SHANK2: variants seen among roughly 807,000 people sequenced by gnomAD.
The protein encoded by SHANK2 is SH3 and multiple ankyrin repeat domains 2.
A neutral mutation model predicts 133.7 loss-of-function variants in SHANK2; 43 were observed. The observed-to-expected ratio is 0.32, with a 90% CI of 0.25 to 0.41. The LOEUF is 0.41. Ranked by LOEUF, SHANK2 falls within the 10% of genes least tolerant of loss-of-function variation. SHANK2 has a pLI of 1.00. For synonymous variants in SHANK2, 1,017 were observed against 952.8 expected (o/e 1.07, Z -1.24); for missense variants, 1,994 against 2,235.8 (o/e 0.89, Z 2.18).
chr11:70,499,155 G>A (rs1186682689), intron 21 of SHANK2, among the ~76,000 whole-genome samples: 7 of 152,384 alleles, frequency 4.6e-5, no homozygotes, highest in African/African-American at 1.2e-4. Flanking sequence ...TCGCATGTGC[G>A]CCATGGGATG....
intron 17 of SHANK2, among the ~76,000 whole-genome samples, chr11:70,593,107 C>G (rs189975358): frequency 2.0e-5 from 3 of 152,334 alleles, no homozygotes; most frequent in African/African-American, 7.2e-5. Flanking sequence ...TGCTGCCTGT[C>G]AAAGTCCTCC....
chr11:70,567,904 A>G lies in SHANK2; in HGVS notation c.2062-64973T>C, dbSNP rs2059987813. ...CAGGGCTGGGAGGGAAGCTGCAGAC[A>G]CCCTATGTATTTGTCCAACCCAAAC... On this transcript the variant is annotated intron_variant, in intron 17 of 25. Transcript: ENST00000601538. Among the ~76,000 whole-genome samples, 3 of 152,156 alleles carry G rather than the reference A, an allele frequency of 2.0e-5. No homozygotes were observed. The South Asian group carries it at 6.2e-4, about 32-fold the overall frequency.
rs2135404614 is a variant in SHANK2, at chr11:71,147,207, A to G, written c.120T>C (p.Thr40=). 1.3e-6 allele frequency: 2 copies of G among 1,550,768 alleles called. No homozygotes were observed. The highest frequency in any genetic ancestry group is 1.7e-4 in the Middle Eastern group (1 of 5,978). ...EETIYDTIRA[T]AEKPGGARTE... ...TCCTGGCACCGCCCGGCTTCTCCGC[A>G]GTGGCCCGGATCGTGTCATAGATGG... Residue 40 remains threonine (T), a synonymous_variant, in exon 3 of 26, where the codon ACT becomes ACC. Coordinates refer to ENST00000601538, the MANE Select transcript of SHANK2 (RefSeq NM_012309.5).
At position 70,809,992 on chromosome 11, in the gene SHANK2, C is replaced by T. The variant is rs369699478; in HGVS notation, c.1494-2821G>A. ...GGCACAATATGGAGCCCACCGGGCACGGTGTGGCACAGCAGTGCATCGATG... is the reference window on the plus strand; with the variant it reads ...GGCACAATATGGAGCCCACCGGGCATGGTGTGGCACAGCAGTGCATCGATG... On this transcript the variant is annotated intron_variant, in intron 12 of 25. Transcript: ENST00000601538. Among the ~76,000 whole-genome samples the T allele has an allele frequency of 4.5e-4, 69 of 152,332 alleles. 1 individual carries two copies. The highest frequency in any genetic ancestry group is 1.5e-3 in the African/African-American group (64 of 41,568).
At chr11:70,552,145 C>G (rs1477960450) in intron 17 of SHANK2, among the ~76,000 whole-genome samples, 7 of 152,202 alleles carry the variant, frequency 4.6e-5, no homozygotes, top group Non-Finnish European at 8.8e-5. Context: ...GAGGCTTTGA[C>G]CTCGGCTTTG....
chr11:70,906,676 CTTCATTTATTTCA>C (rs1950108788), intron 10 of SHANK2, among the ~76,000 whole-genome samples: 1 of 152,174 alleles, frequency 6.6e-6, no homozygotes, highest in Non-Finnish European at 1.5e-5. Flanking sequence ...GATAATGGTG[CTTCATTTATTTCA>C]GACTCCTGTG....
At chr11:71,161,329 A>G (rs1313130051) in intron 2 of SHANK2, among the ~76,000 whole-genome samples, 2 of 152,210 alleles carry the variant, frequency 1.3e-5, no homozygotes, top group African/African-American at 4.8e-5. Context: ...TTTCTTTGAC[A>G]TATTTTGAAA....
intron 17 of SHANK2, among the ~76,000 whole-genome samples, chr11:70,531,358 G>A (rs1183140966): frequency 6.6e-6 from 1 of 152,208 alleles, no homozygotes; most frequent in Non-Finnish European, 1.5e-5. Flanking sequence ...ACTCTTTGGG[G>A]TCTTGGAGGA....
intron 17 of SHANK2, among the ~76,000 whole-genome samples, chr11:70,530,162 C>A (rs2059449372): frequency 6.6e-6 from 1 of 152,186 alleles, no homozygotes; most frequent in African/African-American, 2.4e-5. Flanking sequence ...CCCAAATGTC[C>A]CCTGATGGAT....
chr11:70,803,060 T>C (rs1555050899), intron 13 of SHANK2, among the ~76,000 whole-genome samples: 1 of 152,062 alleles, frequency 6.6e-6, no homozygotes, highest in Non-Finnish European at 1.5e-5. Flanking sequence ...GGAAGGGACA[T>C]GGCAGCCGAA....
chr11:70,514,284 T>C (rs781884629), intron 17 of SHANK2, among the ~76,000 whole-genome samples: 19 of 152,122 alleles, frequency 1.2e-4, no homozygotes, highest in Admixed American at 3.9e-4. Context: ...CCATTTCTGG[T>C]GAAAATTCTT....
At chr11:70,826,244 G>C (rs1555057187) in intron 11 of SHANK2, among the ~76,000 whole-genome samples, 1 of 152,186 alleles carries the variant, frequency 6.6e-6, no homozygotes, top group Non-Finnish European at 1.5e-5. Flanking sequence ...AGGGCTGAAG[G>C]TTTGAAAGCA....
At chr11:71,189,259 T>C (rs111570802) in intron 2 of SHANK2, among the ~76,000 whole-genome samples, 4,651 of 152,342 alleles carry the variant, frequency 0.031, 107 homozygotes, top group African/African-American at 0.062. Flanking sequence ...TTCCATTTCC[T>C]GGCTCAGCGG....
At chr11:70,665,193 T>A (rs954660599) in intron 15 of SHANK2, among the ~76,000 whole-genome samples, 4 of 152,106 alleles carry the variant, frequency 2.6e-5, no homozygotes, top group Admixed American at 6.5e-5. Flanking sequence ...CAGGCTGGAG[T>A]GCAGTGGTGC....
rs1246054159 is a variant in SHANK2, at chr11:70,569,388, C to T, written c.2062-66457G>A. Among the ~76,000 whole-genome samples, 1 of 152,140 alleles carries T rather than the reference C, an allele frequency of 6.6e-6. No homozygotes were observed. Among genetic ancestry groups the T allele is most frequent in the Non-Finnish European group, 1.5e-5 (1 of 68,028 alleles). ...CCAGGTGCGGTGGAGCGGGGAGCTC[C>T]GGGGCTGGCAGAGTGAGCAGGGCCT... On this transcript the variant is annotated intron_variant, in intron 17 of 25. Transcript: ENST00000601538. The surrounding 1 kb of genome is among the most constrained non-coding windows in gnomAD (Gnocchi z 5.1).
At chr11:70,855,932 T>C (rs1949162306) in intron 11 of SHANK2, among the ~76,000 whole-genome samples, 1 of 151,934 alleles carries the variant, frequency 6.6e-6, no homozygotes, top group Non-Finnish European at 1.5e-5. Context: ...AATGCATGGA[T>C]AGAGAGATGG....
intron 2 of SHANK2, among the ~76,000 whole-genome samples, chr11:71,177,250 A>G (rs1463520816): frequency 6.6e-6 from 1 of 152,238 alleles, no homozygotes; most frequent in Non-Finnish European, 1.5e-5. Context: ...AGATGATCAG[A>G]AATGGTAACC....
intron 17 of SHANK2, among the ~76,000 whole-genome samples, chr11:70,635,911 C>A (rs1338436601): frequency 1.3e-5 from 2 of 152,240 alleles, no homozygotes; most frequent in Non-Finnish European, 2.9e-5. Flanking sequence ...CTTGACACAG[C>A]CTGAAAGGCC....
At chr11:70,550,292 A>G (rs758834026) in intron 17 of SHANK2, among the ~76,000 whole-genome samples, 8 of 152,144 alleles carry the variant, frequency 5.3e-5, no homozygotes, top group Middle Eastern at 3.4e-3. Flanking sequence ...TCCCCATGTC[A>G]GTTAGGCAGA....
Sources: allele counts gnomAD v4.1 joint callset (sites outside exome capture counted in the v4.1 genomes callset), GRCh38; gene constraint gnomAD v4.1.1; non-coding constraint Gnocchi (gnomAD v3.1); transcripts MANE v1.5; gene names NCBI Gene and HGNC (gene_info 2026-07-23, HGNC 2026-07-21).